DNAJC2: variants seen among roughly 807,000 people sequenced by gnomAD.
DNAJC2 encodes DnaJ heat shock protein family (Hsp40) member C2.
A neutral mutation model predicts 94.0 loss-of-function variants in DNAJC2; 32 were observed. The observed-to-expected ratio is 0.34, with a 90% CI of 0.26 to 0.46. The LOEUF is 0.46. Among genes scored for constraint, DNAJC2 ranks in the 20% least tolerant of loss-of-function variants. The pLI is 1.00. For missense variants in DNAJC2, 550 were observed against 719.5 expected, an observed-to-expected ratio of 0.76 and a Z score of 2.69; for synonymous variants, 210 against 229.7, an observed-to-expected ratio of 0.91 and a Z score of 0.77.
intron 3 of DNAJC2, among the ~76,000 whole-genome samples, chr7:103,330,017 T>C (rs1231986775): frequency 6.6e-6 from 1 of 152,188 alleles, no homozygotes; most frequent in Non-Finnish European, 1.5e-5. Context: ...TAATGCCACA[T>C]AGCTAAAAGT....
At chr7:103,344,423 G>C (rs1819516628) in intron 1 of DNAJC2, 136 bp downstream of exon 1, 1 of 895,828 alleles carries the variant, frequency 1.1e-6, no homozygotes, top group African/African-American at 1.7e-5. Flanking sequence ...GAGCAAAAAG[G>C]CACTCGTCAC....
intron 2 of DNAJC2, among the ~76,000 whole-genome samples, chr7:103,339,299 A>G (rs1320297302): frequency 6.6e-6 from 1 of 152,170 alleles, no homozygotes; most frequent in Non-Finnish European, 1.5e-5. Context: ...AATAAACTGA[A>G]CAAGTGAATG....
intron 5 of DNAJC2, 179 bp from the exon 6 acceptor site, chr7:103,324,741 G>A: frequency 2.0e-6 from 1 of 506,676 alleles, no homozygotes; most frequent in Non-Finnish European, 3.1e-6. Flanking sequence ...AAACAATGCA[G>A]GTGTGCGAAA....
At chr7:103,318,515 C>T (rs1818198582) in intron 12 of DNAJC2, among the ~76,000 whole-genome samples, 1 of 152,172 alleles carries the variant, frequency 6.6e-6, no homozygotes, top group African/African-American at 2.4e-5. Flanking sequence ...CCCTTCCTAT[C>T]CTACACCTCA....
chr7:103,313,492 A>G lies in DNAJC2; in HGVS notation c.1637-391T>C, dbSNP rs555481917. 11 of 985,196 alleles carry G rather than the reference A, an allele frequency of 1.1e-5. 1 individual carries two copies. The South Asian group carries it at 3.3e-4, about 29-fold the overall frequency. 61.0% of individuals were successfully genotyped at this position (985,196 alleles called of 1,614,324 possible). ...TTCTGATAAATCTACTTCCTTACAG[A>G]ATAGGTAAAAGAGCTTCCTCACAGT... On this transcript the variant is annotated intron_variant, in intron 15 of 16. Transcript: ENST00000379263.
intron 3 of DNAJC2, 97 bp downstream of exon 3, chr7:103,337,639 A>G: frequency 1.0e-6 from 1 of 970,010 alleles, no homozygotes; most frequent in Admixed American, 2.3e-5. Flanking sequence ...AAATGTAGTT[A>G]TGGCTGCAGA....
chr7:103,327,233 A>G, intron 4 of DNAJC2: 1 of 569,914 alleles, frequency 1.8e-6, no homozygotes, highest in South Asian at 1.8e-5. Context: ...GATTTAAACT[A>G]GGCTAGCAAA....
intron 5 of DNAJC2, 135 bp from the exon 6 acceptor site, chr7:103,324,697 GA>G: frequency 1.1e-6 from 1 of 898,892 alleles, no homozygotes; most frequent in Non-Finnish European, 1.5e-6. Flanking sequence ...TCTACAACTC[GA>G]AGATGGAGCT....
chr7:103,322,417 T>G (rs1818470505), intron 9 of DNAJC2, 94 bp downstream of exon 9: 1 of 1,237,782 alleles, frequency 8.1e-7, no homozygotes, highest in Non-Finnish European at 1.1e-6. Flanking sequence ...TGCTTTCGAA[T>G]TATAGTTTTT....
intron 5 of DNAJC2, 47 bp downstream of exon 5, chr7:103,326,496 A>C: frequency 6.3e-7 from 1 of 1,598,180 alleles, no homozygotes; most frequent in South Asian, 1.1e-5. Context: ...AGACTACAAT[A>C]AACAAGCCAA....
At position 103,333,951 on chromosome 7, in the gene DNAJC2, A is replaced by AT. The variant is rs1213072243; in HGVS notation, c.331+3784dup. 7.7e-3 allele frequency among the ~76,000 whole-genome samples: 1,071 copies of AT among 139,474 alleles called. 14 individuals carry two copies. Among genetic ancestry groups the AT allele is most frequent in the African/African-American group, 0.019 (724 of 37,918 alleles). 91.5% of individuals were successfully genotyped at this position (139,474 alleles called of 152,430 possible). On this transcript the variant is annotated intron_variant, in intron 3 of 16. Coordinates refer to ENST00000379263, the MANE Select transcript of DNAJC2 (RefSeq NM_014377.3). Reference sequence around the variant, plus strand: ...ACATTGTGAATAGGCTGTTGTGAACATTTTTTTTTTTTTTTTTGAGACGGA... The same window carrying AT: ...ACATTGTGAATAGGCTGTTGTGAACATTTTTTTTTTTTTTTTTTGAGACGGA...
At chr7:103,331,542 C>T (rs982843868) in intron 3 of DNAJC2, among the ~76,000 whole-genome samples, 1 of 152,176 alleles carries the variant, frequency 6.6e-6, no homozygotes, top group Non-Finnish European at 1.5e-5. Context: ...TGGTATCTAT[C>T]ATTCTATCTA....
In DNAJC2 at chr7:103,341,926, C is replaced by A. The variant is rs1319954599; in HGVS notation, c.93G>T (p.Val31=). The stretch of plus-strand genomic sequence containing the variant: ...TAACAAAAGCTTCAAACCATCTTCC[C>A]ACAGGTTCAACTTGACAGAGTGTAG... ...SASTLCQVEP[V]GRWFEAFVKR... is the part of the protein sequence containing the mutation. Residue 31 remains valine (V), a synonymous_variant, in exon 2 of 17, where the codon GTG becomes GTT. Transcript: ENST00000379263. 6 of 1,607,896 alleles carry A rather than the reference C, an allele frequency of 3.7e-6. No individual in the cohort carries two copies. Among genetic ancestry groups the A allele is most frequent in the Non-Finnish European group, 5.1e-6 (6 of 1,177,766 alleles).
intron 3 of DNAJC2, chr7:103,329,290 GA>G: frequency 5.4e-6 from 1 of 185,096 alleles, no homozygotes; most frequent in South Asian, 9.5e-5. Flanking sequence ...CATAGATGAG[GA>G]AAATGAGGCA....
chr7:103,314,990 A>C (rs1263476075), intron 15 of DNAJC2, among the ~76,000 whole-genome samples: 1 of 152,164 alleles, frequency 6.6e-6, no homozygotes, highest in East Asian at 1.9e-4. Flanking sequence ...CACATCCTAA[A>C]CAAAGACACA....
At chr7:103,343,405 G>A (rs1398661370) in intron 1 of DNAJC2, among the ~76,000 whole-genome samples, 2 of 152,220 alleles carry the variant, frequency 1.3e-5, no homozygotes, top group African/African-American at 4.8e-5. Flanking sequence ...AGCAGCAAAT[G>A]GGAATTTACT....
intron 9 of DNAJC2, 46 bp downstream of exon 9, chr7:103,322,465 G>GATT: frequency 7.2e-7 from 1 of 1,392,406 alleles, no homozygotes; most frequent in African/African-American, 1.5e-5. Flanking sequence ...GAAGATTAAA[G>GATT]ATTTCATAAA....
At chr7:103,318,036 A>G (rs1013377380) in intron 12 of DNAJC2, among the ~76,000 whole-genome samples, 1 of 152,216 alleles carries the variant, frequency 6.6e-6, no homozygotes, top group East Asian at 1.9e-4. Flanking sequence ...TAGTAGTACA[A>G]TGTTGAACCT....
intron 10 of DNAJC2, among the ~76,000 whole-genome samples, chr7:103,320,457 A>G (rs891520014): frequency 6.6e-6 from 1 of 152,030 alleles, no homozygotes; most frequent in South Asian, 2.1e-4. Context: ...TTCTAAACAT[A>G]ATCATCTTAC....
Sources: gnomAD v4.1 joint callset for allele counts (sites outside exome capture counted in the v4.1 genomes callset) on GRCh38, gnomAD v4.1.1 for gene constraint, MANE v1.5 for transcripts, NCBI Gene and HGNC (gene_info 2026-07-23, HGNC 2026-07-21) for gene names.